Variants in ZNF419 observed in about 807,000 individuals in gnomAD.
The protein encoded by ZNF419 is zinc finger protein 419A.
Under a neutral mutation model 14.9 loss-of-function variants are expected in ZNF419, and 8 were observed. The observed-to-expected ratio is 0.54, with a 90% CI of 0.32 to 0.97. The LOEUF (loss-of-function observed/expected upper bound fraction) is 0.97. ZNF419 is among the 50% of genes least tolerant of loss of function. The pLI, the probability that ZNF419 is intolerant of heterozygous loss-of-function variation, is 0.04. For synonymous variants in ZNF419, 211 were observed against 205.3 expected (o/e 1.03, Z -0.24); for missense variants, 595 against 607.2 (o/e 0.98, Z 0.21).
At chr19:57,492,700 C>A in intron 4 of ZNF419, 156 bp from the exon 5 acceptor site, 1 of 1,060,732 alleles carries the variant, frequency 9.4e-7, no homozygotes, top group Non-Finnish European at 1.5e-6. Flanking sequence ...AGATTCAGCA[C>A]TGCACAGCAG....
chr19:57,492,781 T>C (rs748845536), intron 4 of ZNF419, 75 bp from the exon 5 acceptor site: 97 of 1,589,062 alleles, frequency 6.1e-5, no homozygotes, highest in Non-Finnish European at 7.9e-5. Context: ...CTGGGTGTGT[T>C]AGACACATCT....
rs143129813 is a variant in ZNF419 at position 57,490,052 on chromosome 19, TAGTC to T, written c.34-92_34-89del. The stretch of plus-strand genomic sequence containing the variant: ...TAAGAACCAAAGCCCAGATTGTAGA[TAGTC>T]AGGCACACCTGACTCCAGGCTAGAC... On this transcript the variant is annotated intron_variant, in intron 1 of 4. Transcript: ENST00000221735. 2.3e-3 allele frequency: 2,621 copies of T among 1,152,526 alleles called. 34 individuals carry two copies. In the African/African-American group the frequency reaches 0.031, roughly 14 times the overall value. The allele number at this position is 1,152,526 out of a possible 1,614,324, so 71.4% of individuals were successfully genotyped here.
chr19:57,490,299 G>C, intron 2 of ZNF419, 114 bp downstream of exon 2: 1 of 947,084 alleles, frequency 1.1e-6, no homozygotes, highest in East Asian at 2.6e-5. Context: ...TTCCATTTGA[G>C]TTCCCTGGAA....
At position 57,487,808 on chromosome 19, in the gene ZNF419, G is replaced by A; in HGVS notation, c.-143G>A. 2 of 1,214,154 alleles carry A rather than the reference G, an allele frequency of 1.6e-6. No homozygotes were observed. The highest frequency in any genetic ancestry group is 2.5e-5 in the South Asian group (2 of 78,662). The allele number at this position is 1,214,154 out of a possible 1,614,324, so 75.2% of individuals were successfully genotyped here. A position where few individuals can be genotyped will look rare whatever the true frequency, so the allele number is the denominator to read the frequency against. On this transcript the variant is annotated 5_prime_UTR_variant, in exon 1 of 5. Coordinates refer to ENST00000221735, the MANE Select transcript of ZNF419 (RefSeq NM_024691.4). Reference sequence around the variant, plus strand: ...TGCGAGAAGCTGGTTGTGCGCTGAGGCGACCAGCGCCGGAAGGCACGGTGG... The same window carrying A: ...TGCGAGAAGCTGGTTGTGCGCTGAGACGACCAGCGCCGGAAGGCACGGTGG...
At chr19:57,489,948 C>T in intron 1 of ZNF419, 199 bp from the exon 2 acceptor site, 2 of 585,060 alleles carry the variant, frequency 3.4e-6, no homozygotes, top group Non-Finnish European at 3.1e-6. Context: ...ATTATTATTG[C>T]CATGTTGCAG....
Position 57,493,964 on chromosome 19 carries a change from C to A in ZNF419, c.1407C>A (p.Ser469Arg), listed in dbSNP as rs1228827793. 2.5e-6 allele frequency: 4 copies of A among 1,613,880 alleles called. No individual in the cohort carries two copies. Among genetic ancestry groups the A allele is most frequent in the Non-Finnish European group, 3.4e-6 (4 of 1,180,028 alleles). ...ECGRLFRENS[S>R]LVKHQRVHTG... ...GGAGATTGTTTAGAGAGAATTCCAG[C>A]CTTGTTAAACATCAGAGGGTTCACA... The change falls in exon 5 of 5, where the codon AGC (serine) becomes AGA (arginine). Residue 469 changes from serine to arginine, a missense_variant. Ser to Arg is a moderately radical substitution (Grantham distance 110). Coordinates refer to ENST00000221735, the MANE Select transcript of ZNF419 (RefSeq NM_024691.4).
rs765373810 is a variant in ZNF419, at chr19:57,493,893, C to A, written c.1336C>A (p.Arg446=). 1.3e-5 allele frequency: 21 copies of A among 1,613,724 alleles called. No homozygotes were observed. Among genetic ancestry groups the A allele is most frequent in the Middle Eastern group, 1.6e-4 (1 of 6,078 alleles). The part of the protein sequence containing the change: ...FSQSSTLMQH[R]KVHIGEKPFK... ...CCAAAGCTCAACCCTCATGCAACAT[C>A]GAAAAGTTCACATTGGAGAAAAGCC... Residue 446 remains arginine, a synonymous_variant, in exon 5 of 5, where the codon CGA becomes AGA. Coordinates refer to ENST00000221735, the MANE Select transcript of ZNF419 (RefSeq NM_024691.4).
At chr19:57,488,213 G>C in intron 1 of ZNF419, 1 of 607,150 alleles carries the variant, frequency 1.6e-6, no homozygotes, top group Non-Finnish European at 2.8e-6. Context: ...GGCAGCTTGG[G>C]AAGGGACGAG....
rs2089450003 is a variant in ZNF419 at position 57,490,151 on chromosome 19, C to T, written c.38C>T (p.Pro13Leu). The change falls in exon 2 of 5, where the codon CCT becomes CTT. Residue 13 changes from proline (P) to leucine (L), a missense_variant. Coordinates refer to ENST00000221735, the MANE Select transcript of ZNF419 (RefSeq NM_024691.4). ...CATAGTCTTGATTTTCCATAGGTTC[C>T]TGTGGCTGCAGACTTGCTTACAGAC... The part of the protein sequence containing the change: ...AAALRDPAQV[P>L]VAADLLTDHE... The T allele has an allele frequency of 6.2e-7, 1 of 1,613,474 alleles. No individual in the cohort carries two copies. Among genetic ancestry groups the T allele is most frequent in the Non-Finnish European group, 8.5e-7 (1 of 1,179,718 alleles).
In ZNF419 at chr19:57,487,785, C is replaced by A. The variant is rs1482042860; in HGVS notation, c.-166C>A. On this transcript the variant is annotated 5_prime_UTR_variant, in exon 1 of 5. Coordinates refer to ENST00000221735, the MANE Select transcript of ZNF419 (RefSeq NM_024691.4). ...TTCGCGACTCAGGTGAACTAACCTG[C>A]GAGAAGCTGGTTGTGCGCTGAGGCG... The A allele has an allele frequency of 7.5e-6, 7 of 939,514 alleles. No individual in the cohort carries two copies. The highest frequency in any genetic ancestry group is 1.2e-5 in the Non-Finnish European group (7 of 608,102). The allele number at this position is 939,514 out of a possible 1,614,324, so 58.2% of individuals were successfully genotyped here.
chr19:57,489,484 CTTTTTT>C (rs10602834), intron 1 of ZNF419: 3 of 85,396 alleles, frequency 3.5e-5, no homozygotes, highest in Non-Finnish European at 6.8e-5. Flanking sequence ...TTCTTTCTTT[CTTTTTT>C]TTTTTTTTTT....
At position 57,491,566 on chromosome 19, in the gene ZNF419, G is replaced by A. The variant is rs767243314; in HGVS notation, c.168G>A (p.Met56Ile). 2.5e-6 allele frequency: 4 copies of A among 1,614,094 alleles called. No individual in the cohort carries two copies. Among genetic ancestry groups the A allele is most frequent in the African/African-American group, 1.3e-5 (1 of 74,978 alleles). Residue 56 changes from methionine (M) to isoleucine (I), a missense_variant, in exon 3 of 5, where the codon ATG becomes ATA. By Grantham distance (10) the Met-to-Ile change is conservative (BLOSUM62 1). Transcript: ENST00000221735. ...DAQRLLYRNV[M>I]LENFTLLASL... is the part of the protein sequence containing the mutation. ...AGAGGCTCCTCTACCGCAATGTGAT[G>A]CTGGAGAACTTTACACTTCTGGCCT...
At position 57,492,215 on chromosome 19, in the gene ZNF419, G is replaced by C. The variant is rs368572765; in HGVS notation, c.298+4G>C. On this transcript the variant is annotated splice_donor_region_variant and intron_variant, in intron 4 of 4. Transcript: ENST00000221735. ...GTGACTTCAGCCATACCGAGAGGTAGTTGGTGGGTGGAGCTCAGGGAGGTG... is the reference window on the plus strand; with the variant it reads ...GTGACTTCAGCCATACCGAGAGGTACTTGGTGGGTGGAGCTCAGGGAGGTG... 2.2e-5 allele frequency: 35 copies of C among 1,614,032 alleles called. No individual in the cohort carries two copies. The highest frequency in any genetic ancestry group is 1.6e-4 in the Middle Eastern group (1 of 6,084).
chr19:57,488,022 A>T, intron 1 of ZNF419, 39 bp downstream of exon 1: 1 of 1,611,630 alleles, frequency 6.2e-7, no homozygotes, highest in Admixed American at 1.7e-5. Context: ...CGAATCCTAA[A>T]GCCCTGTGAG....
In ZNF419 at chr19:57,493,266, G is replaced by T; in HGVS notation, c.709G>T (p.Gly237Trp). 2 of 1,614,232 alleles carry T rather than the reference G, an allele frequency of 1.2e-6. No individual in the cohort carries two copies. The highest frequency in any genetic ancestry group is 1.7e-6 in the Non-Finnish European group (2 of 1,180,050). The change falls in exon 5 of 5, where the codon GGG becomes TGG. Residue 237 changes from glycine (G) to tryptophan (W), a missense_variant. Transcript: ENST00000221735. ...AAAGACGTATGAATGCAGTGAATGT[G>T]GGAAGTTATTTAGAGATATGTCCAA... ...GKKTYECSEC[G>W]KLFRDMSNLF... is the part of the protein sequence containing the mutation.
chr19:57,488,811 T>C (rs2089417496), intron 1 of ZNF419: 1 of 151,986 alleles, frequency 6.6e-6, no homozygotes, highest in Non-Finnish European at 1.5e-5. Flanking sequence ...GGAGGGAGAA[T>C]CTTAAGGTTC....
intron 4 of ZNF419, chr19:57,492,443 T>G (rs1436535750): frequency 1.3e-6 from 1 of 771,040 alleles, no homozygotes; most frequent in East Asian, 2.4e-5. Flanking sequence ...TGGCTTTCAC[T>G]GAATGTGTGG....
At position 57,492,094 on chromosome 19, in the gene ZNF419, C is replaced by T. The variant is rs770208524; in HGVS notation, c.200-19C>T. 6.3e-7 allele frequency: 1 copy of T among 1,588,718 alleles called. No homozygotes were observed. ...GTCATTCTGGCTCAGTGCTGCCACT[C>T]ACCTGTCGTTTTCCTTAGGACTTGC... On this transcript the variant is annotated intron_variant, in intron 3 of 4. Transcript: ENST00000221735.
chr19:57,487,781 C>T lies in ZNF419; in HGVS notation c.-170C>T, dbSNP rs2089387141. On this transcript the variant is annotated 5_prime_UTR_variant, in exon 1 of 5. Coordinates refer to ENST00000221735, the MANE Select transcript of ZNF419 (RefSeq NM_024691.4). ...CACTTTCGCGACTCAGGTGAACTAA[C>T]CTGCGAGAAGCTGGTTGTGCGCTGA... is the stretch of plus-strand genomic sequence containing the variant. 1 of 903,312 alleles carries T rather than the reference C, an allele frequency of 1.1e-6. No homozygotes were observed. 56.0% of individuals were successfully genotyped at this position (903,312 alleles called of 1,614,324 possible). A position where few individuals can be genotyped will look rare whatever the true frequency, so the allele number is the denominator to read the frequency against.
Sources: gnomAD v4.1 joint callset for allele counts on GRCh38, gnomAD v4.1.1 for gene constraint, MANE v1.5 for transcripts, NCBI Gene and HGNC (gene_info 2026-07-23, HGNC 2026-07-21) for gene names.